Variants in SGCZ observed in about 807,000 individuals in gnomAD.
The protein encoded by SGCZ is sarcoglycan zeta, also known as zeta-sarcoglycan.
A neutral mutation model predicts 41.3 loss-of-function variants in SGCZ; 40 were observed. The observed-to-expected ratio is 0.97, with a 90% CI of 0.75 to 1.26. The LOEUF (loss-of-function observed/expected upper bound fraction) is 1.26. Ranked by LOEUF, SGCZ falls within the 50% of genes most tolerant of loss-of-function variation. The probability of loss-of-function intolerance (pLI) is 0.00; values close to 1 mark genes in which losing one functional copy is unlikely to be tolerated. For synonymous variants in SGCZ, 206 were observed against 137.5 expected, an observed-to-expected ratio of 1.50 and a Z score of -3.49; for missense variants, 552 against 369.8, an observed-to-expected ratio of 1.49 and a Z score of -4.04.
intron 1 of SGCZ, among the ~76,000 whole-genome samples, chr8:15,164,468 G>A (rs1799596668): frequency 2.0e-5 from 3 of 152,124 alleles, no homozygotes. Flanking sequence ...GCCACGTGCT[G>A]CTGCTGGAGC....
chr8:14,716,024 T>C (rs1809677656), intron 1 of SGCZ, among the ~76,000 whole-genome samples: 1 of 151,990 alleles, frequency 6.6e-6, no homozygotes, highest in African/African-American at 2.4e-5. Context: ...ATTAATAAAA[T>C]TATAGGAGAA....
At chr8:15,087,169 A>G (rs115134627) in intron 1 of SGCZ, among the ~76,000 whole-genome samples, 1,530 of 152,204 alleles carry the variant, frequency 0.01, 21 homozygotes, top group African/African-American at 0.033. Context: ...TATAGAGATT[A>G]AAGGTACCCA....
In SGCZ at chr8:15,010,691, G is replaced by A. The variant is rs1802794448; in HGVS notation, c.39+226894C>T. On this transcript the variant is annotated intron_variant, in intron 1 of 7. Coordinates refer to ENST00000382080, the MANE Select transcript of SGCZ (RefSeq NM_139167.4). Reference sequence around the variant, plus strand: ...ACAGGAAGCCAGATGAAGAAAGTCAGAACTAATGTGATATAGAGGCTTGGT... The same window carrying A: ...ACAGGAAGCCAGATGAAGAAAGTCAAAACTAATGTGATATAGAGGCTTGGT... 2.6e-5 allele frequency among the ~76,000 whole-genome samples: 4 copies of A among 152,138 alleles called. No homozygotes were observed. The South Asian group carries it at 8.3e-4, about 32-fold the overall frequency.
intron 1 of SGCZ, among the ~76,000 whole-genome samples, chr8:14,771,958 A>G (rs1016880383): frequency 6.6e-6 from 1 of 152,272 alleles, no homozygotes; most frequent in Non-Finnish European, 1.5e-5. Flanking sequence ...GATTTCATAT[A>G]TAGTCAGTCC....
chr8:14,757,525 A>G (rs1274578527), intron 1 of SGCZ, among the ~76,000 whole-genome samples: 4 of 152,186 alleles, frequency 2.6e-5, no homozygotes, highest in Admixed American at 2.0e-4. Context: ...AGAGCAGTCT[A>G]GACTCCTGCA....
At chr8:14,427,790 C>G (rs1475947909) in intron 2 of SGCZ, among the ~76,000 whole-genome samples, 1 of 152,118 alleles carries the variant, frequency 6.6e-6, no homozygotes, top group African/African-American at 2.4e-5. Flanking sequence ...TCAACTTAAA[C>G]AGTAATAAGC....
chr8:15,083,172 A>T (rs1457380817), intron 1 of SGCZ, among the ~76,000 whole-genome samples: 1 of 152,222 alleles, frequency 6.6e-6, no homozygotes, highest in Non-Finnish European at 1.5e-5. Context: ...TGTAAAATGA[A>T]ACTAAGAGAC....
intron 3 of SGCZ, among the ~76,000 whole-genome samples, chr8:14,313,054 C>G (rs17297046): frequency 6.6e-6 from 1 of 151,920 alleles, no homozygotes. Context: ...TCCTGCTCAA[C>G]AACGTTTTTT....
At chr8:14,192,277 T>C (rs529547131) in intron 4 of SGCZ, among the ~76,000 whole-genome samples, 13 of 152,136 alleles carry the variant, frequency 8.5e-5, no homozygotes, top group African/African-American at 2.6e-4. Flanking sequence ...TATCCCAAGG[T>C]AGTAAAGAAT....
chr8:15,225,967 C>G (rs369390681), intron 1 of SGCZ, among the ~76,000 whole-genome samples: 1 of 145,140 alleles, frequency 6.9e-6, no homozygotes, highest in Non-Finnish European at 1.6e-5. Context: ...CTTACTCTTA[C>G]TAGTCCACAT....
At chr8:15,022,183 T>G (rs1185596765) in intron 1 of SGCZ, among the ~76,000 whole-genome samples, 1 of 152,190 alleles carries the variant, frequency 6.6e-6, no homozygotes, top group Non-Finnish European at 1.5e-5. Flanking sequence ...TACTGGAATT[T>G]GTTTATTTAT....
chr8:14,485,833 A>ATTTTTTTTTTTTTTTTTTTTT (rs71209049), intron 2 of SGCZ, among the ~76,000 whole-genome samples: 4 of 103,380 alleles, frequency 3.9e-5, no homozygotes, highest in Admixed American at 2.5e-4. Flanking sequence ...CTCTAGAACA[A>ATTTTTTTTTTTTTTTTTTTTT]TTTTTTTTTT....
intron 5 of SGCZ, among the ~76,000 whole-genome samples, chr8:14,125,321 G>A (rs1279279028): frequency 6.6e-6 from 1 of 151,996 alleles, no homozygotes. Context: ...GGCTAACATG[G>A]TGAAACCCCG....
chr8:14,255,758 G>A (rs1222676364), intron 3 of SGCZ, among the ~76,000 whole-genome samples: 5 of 151,990 alleles, frequency 3.3e-5, no homozygotes, highest in African/African-American at 1.2e-4. Flanking sequence ...TAATGTGTGG[G>A]ATGAGAAATA....
intron 1 of SGCZ, among the ~76,000 whole-genome samples, chr8:15,160,053 T>C (rs1205497329): frequency 6.6e-6 from 1 of 151,980 alleles, no homozygotes; most frequent in Non-Finnish European, 1.5e-5. Context: ...AGCTTTACCA[T>C]ATTGGCCCAT....
At chr8:14,554,976 T>A in intron 1 of SGCZ, 50 bp from the exon 2 acceptor site, 1 of 1,470,512 alleles carries the variant, frequency 6.8e-7, no homozygotes, top group Non-Finnish European at 9.1e-7. Context: ...AAAAGAAGCA[T>A]TAAAAAAAAT....
intron 1 of SGCZ, among the ~76,000 whole-genome samples, chr8:15,208,737 C>T (rs1585675751): frequency 6.6e-6 from 1 of 152,154 alleles, no homozygotes; most frequent in Non-Finnish European, 1.5e-5. Context: ...AAACCTTGAG[C>T]AAGTTACTTG....
At chr8:14,960,123 T>A (rs1800916026) in intron 1 of SGCZ, among the ~76,000 whole-genome samples, 2 of 152,172 alleles carry the variant, frequency 1.3e-5, no homozygotes, top group Non-Finnish European at 2.9e-5. Flanking sequence ...TAAAAAGAAT[T>A]TCCATAAATT....
At chr8:14,608,016 A>C (rs1563149449) in intron 1 of SGCZ, among the ~76,000 whole-genome samples, 1 of 152,224 alleles carries the variant, frequency 6.6e-6, no homozygotes, top group Non-Finnish European at 1.5e-5. Flanking sequence ...GATTTTCAGA[A>C]TGAGAAGTAA....
Sources: allele counts gnomAD v4.1 joint callset (sites outside exome capture counted in the v4.1 genomes callset), GRCh38; gene constraint gnomAD v4.1.1; transcripts MANE v1.5; gene names NCBI Gene and HGNC (gene_info 2026-07-23, HGNC 2026-07-21).